The following PLCE1 variants were observed in gnomAD, a reference collection of about 807,000 sequenced individuals.
PLCE1 encodes the protein phospholipase C epsilon 1, also known as 1-phosphatidylinositol 4,5-bisphosphate phosphodiesterase epsilon-1.
In PLCE1, 119 loss-of-function variants were observed where a neutral mutation model predicts 242.8. The ratio of observed to expected loss-of-function variants is 0.49; its 90% CI spans 0.42 to 0.57. The LOEUF (loss-of-function observed/expected upper bound fraction) is 0.57, where lower values mean the gene tolerates loss of function less well. Ranked by LOEUF, PLCE1 falls within the 20% of genes least tolerant of loss-of-function variation. The pLI, the probability that PLCE1 is intolerant of heterozygous loss-of-function variation, is 0.00. For synonymous variants in PLCE1, 945 were observed against 1,017.4 expected, an observed-to-expected ratio of 0.93 and a Z score of 1.35; for missense variants, 2,441 against 2,788.8, an observed-to-expected ratio of 0.88 and a Z score of 2.81.
intron 1 of PLCE1, among the ~76,000 whole-genome samples, chr10:94,009,544 C>T (rs79910053): frequency 0.029 from 4,361 of 152,264 alleles, 192 homozygotes; most frequent in African/African-American, 0.095. Flanking sequence ...ACTCATTCCA[C>T]CATCAAGTAC....
chr10:94,113,773 G>A (rs1471186062), intron 2 of PLCE1, among the ~76,000 whole-genome samples: 2 of 152,094 alleles, frequency 1.3e-5, no homozygotes, highest in African/African-American at 4.8e-5. Flanking sequence ...AGGGAAGCTT[G>A]GGCTTGTTGA....
At chr10:94,120,887 C>T (rs557540365) in intron 2 of PLCE1, 2 of 152,458 alleles carry the variant, frequency 1.3e-5, no homozygotes, top group South Asian at 2.1e-4. Flanking sequence ...ACATGGGGAA[C>T]ATGCAAGTGG....
At chr10:94,027,819 CAAAA>C (rs935111046) in intron 1 of PLCE1, among the ~76,000 whole-genome samples, 3 of 115,874 alleles carry the variant, frequency 2.6e-5, no homozygotes, top group African/African-American at 1.4e-4. Context: ...GACTCCATCT[CAAAA>C]TAAATAAATA....
chr10:94,231,985 T>C (rs537631241), intron 5 of PLCE1, among the ~76,000 whole-genome samples: 8 of 152,306 alleles, frequency 5.3e-5, no homozygotes, highest in African/African-American at 1.9e-4. Flanking sequence ...CTATCTACCA[T>C]GTGATACTAT....
At position 94,132,237 on chromosome 10, in the gene PLCE1, A is replaced by G. The variant is rs1371745054; in HGVS notation, c.1270A>G (p.Thr424Ala). Residue 424 changes from threonine (T) to alanine (A), a missense_variant, in exon 3 of 33, where the codon ACC (threonine) becomes GCC (alanine). Transcript: ENST00000371380. ...AGTTGGATCTCTACTCCATTTCCTC[A>G]CCAAGCTCCCAGCCTCCGAGACAGC... is the stretch of plus-strand genomic sequence containing the variant. ...NTVGSLLHFLTKLPASETAHG... is the reference protein window; with the variant it reads ...NTVGSLLHFLAKLPASETAHG... The G allele has an allele frequency of 6.2e-7, 1 of 1,614,130 alleles. No individual in the cohort carries two copies. Among genetic ancestry groups the G allele is most frequent in the Non-Finnish European group, 8.5e-7 (1 of 1,179,996 alleles).
intron 2 of PLCE1, among the ~76,000 whole-genome samples, chr10:94,118,626 A>G (rs1009584440): frequency 1.3e-5 from 2 of 152,220 alleles, no homozygotes; most frequent in African/African-American, 2.4e-5. Flanking sequence ...TGCCATCCAT[A>G]TAAGATGTGA....
intron 3 of PLCE1, among the ~76,000 whole-genome samples, chr10:94,162,039 A>G (rs946529672): frequency 2.6e-5 from 4 of 152,188 alleles, no homozygotes; most frequent in Admixed American, 6.5e-5. Context: ...TTTTTGATGT[A>G]CTGCTGGATT....
rs2054129273 is a variant in PLCE1 at position 94,329,387 on chromosome 10, A to AACTC, written c.*1449_*1452dup. 2 of 152,212 alleles carry AACTC rather than the reference A, an allele frequency of 1.3e-5. No individual in the cohort carries two copies. Among genetic ancestry groups the AACTC allele is most frequent in the African/African-American group, 4.8e-5 (2 of 41,460 alleles). The allele number at this position is 152,212 out of a possible 1,614,324, so 9.4% of individuals were successfully genotyped here. A position where few individuals can be genotyped will look rare whatever the true frequency, so the allele number is the denominator to read the frequency against. On this transcript the variant is annotated 3_prime_UTR_variant, in exon 33 of 33. Transcript: ENST00000371380. ...TTTTCTTCAAATTACAAAACACTAA[A>AACTC]ACTCACTCCTAAACTTCACTTTGAG... is the stretch of plus-strand genomic sequence containing the variant.
intron 4 of PLCE1, among the ~76,000 whole-genome samples, chr10:94,180,909 C>T (rs2048290756): frequency 6.6e-6 from 1 of 152,222 alleles, no homozygotes. Context: ...CTCCCAGGCT[C>T]AGAACTATGA....
rs1487888166 is a variant in PLCE1 at position 94,306,947 on chromosome 10, A to C, written c.5884+259A>C. 3.3e-5 allele frequency among the ~76,000 whole-genome samples: 5 copies of C among 152,218 alleles called. No individual in the cohort carries two copies. The highest frequency in any genetic ancestry group is 2.6e-4 in the Admixed American group (4 of 15,284). On this transcript the variant is annotated intron_variant, in intron 26 of 32. Transcript: ENST00000371380. The surrounding 1 kb of genome is among the most constrained non-coding windows in gnomAD (Gnocchi z 5.7). ...ACCCATGCTTGCTGATGTCAGGAGC[A>C]GTGGTTGTTGCTACCCACGGCACTG...
At chr10:94,318,908 C>G (rs1003352043) in intron 29 of PLCE1, among the ~76,000 whole-genome samples, 1 of 152,098 alleles carries the variant, frequency 6.6e-6, no homozygotes, top group Admixed American at 6.5e-5. Context: ...ATTAGCAGGG[C>G]GTGGTAGCAG....
intron 18 of PLCE1, among the ~76,000 whole-genome samples, chr10:94,271,565 C>T (rs867585987): frequency 2.6e-5 from 4 of 152,164 alleles, no homozygotes; most frequent in African/African-American, 9.6e-5. Flanking sequence ...CCACCCACCT[C>T]AGCCTCCCAG....
chr10:94,023,695 A>G (rs560279355), intron 1 of PLCE1, among the ~76,000 whole-genome samples: 1 of 152,200 alleles, frequency 6.6e-6, no homozygotes, highest in African/African-American at 2.4e-5. Flanking sequence ...CCTCTATTTT[A>G]CTGTATTGGC....
At chr10:94,176,671 G>C (rs2048135733) in intron 4 of PLCE1, among the ~76,000 whole-genome samples, 1 of 152,148 alleles carries the variant, frequency 6.6e-6, no homozygotes, top group Non-Finnish European at 1.5e-5. Flanking sequence ...GGGGTGGGGG[G>C]AAGTGAATGC....
intron 2 of PLCE1, among the ~76,000 whole-genome samples, chr10:94,131,148 A>G (rs2046587807): frequency 6.6e-6 from 1 of 152,238 alleles, no homozygotes; most frequent in Non-Finnish European, 1.5e-5. Context: ...AGACAGCATG[A>G]TAGAGACAGC....
chr10:94,216,820 C>T (rs918333566), intron 4 of PLCE1, among the ~76,000 whole-genome samples: 4 of 151,892 alleles, frequency 2.6e-5, no homozygotes, highest in Admixed American at 6.6e-5. Flanking sequence ...AAAGGGAATG[C>T]GACTCGGCTG....
chr10:94,132,307 G>T lies in PLCE1; in HGVS notation c.1340G>T (p.Arg447Leu), dbSNP rs140876132. The change falls in exon 3 of 33, where the codon CGA becomes CTA. Residue 447 changes from arginine (R) to leucine (L), a missense_variant. Physicochemically the swap from Arg to Leu is moderately radical, Grantham distance 102 (BLOSUM62 -2). This residue lies in a region of PLCE1 where 733 missense variants were observed against 754.2 expected (regional missense o/e 0.97). Transcript: ENST00000371380. ...GGTCCATGCTTAAAGCAATGTGTCC[G>T]AGACACTGTATGTGAGTATCGCGCC... ...SVGPCLKQCV[R>L]DTVCEYRATL... is the part of the protein sequence containing the mutation. The T allele has an allele frequency of 6.2e-7, 1 of 1,613,880 alleles. No individual in the cohort carries two copies. The highest frequency in any genetic ancestry group is 1.7e-5 in the Admixed American group (1 of 59,982).
At chr10:94,316,869 ATTC>A in intron 29 of PLCE1, 113 bp downstream of exon 29, 2 of 760,826 alleles carry the variant, frequency 2.6e-6, no homozygotes, top group South Asian at 1.5e-5. Flanking sequence ...CTTGGTTTAT[ATTC>A]TTCTTAAGTA....
At chr10:94,019,502 A>G (rs193170326) in intron 1 of PLCE1, among the ~76,000 whole-genome samples, 1 of 152,268 alleles carries the variant, frequency 6.6e-6, no homozygotes, top group East Asian at 1.9e-4. Flanking sequence ...AACTGATCCA[A>G]TTCTATCTCC....
Sources: gnomAD v4.1 joint callset for allele counts (sites outside exome capture counted in the v4.1 genomes callset) on GRCh38, gnomAD v4.1.1 for gene constraint, gnomAD v4.1.1 regional missense constraint, Gnocchi (gnomAD v3.1) non-coding constraint, MANE v1.5 for transcripts, NCBI Gene and HGNC (gene_info 2026-07-23, HGNC 2026-07-21) for gene names.